The following PSMD11 variants were observed in gnomAD, a reference collection of about 807,000 sequenced individuals.
PSMD11 encodes the protein proteasome 26S subunit, non-ATPase 11, also known as 26S proteasome non-ATPase regulatory subunit 11.
Under a neutral mutation model 62.3 loss-of-function variants are expected in PSMD11, and 5 were observed. That is an observed-to-expected ratio of 0.08 (90% CI 0.04 to 0.17). The LOEUF (loss-of-function observed/expected upper bound fraction) is 0.17. PSMD11 is among the 10% of genes least tolerant of loss of function. The pLI, the probability that PSMD11 is intolerant of heterozygous loss-of-function variation, is 1.00. For missense variants in PSMD11, 310 were observed against 512.9 expected (o/e 0.60, Z 3.82); for synonymous variants, 191 against 191.8 (o/e 1.00, Z 0.03).
rs527574896 is a variant in PSMD11 at position 32,483,013 on chromosome 17, A to C, written c.*2261A>C. 4 of 152,338 alleles carry C rather than the reference A, an allele frequency of 2.6e-5. No individual in the cohort carries two copies. In the East Asian group the frequency reaches 7.7e-4, roughly 29 times the overall value. The allele number at this position is 152,338 out of a possible 1,614,324, so 9.4% of individuals were successfully genotyped here. ...GGAGTAGAGGGGAGATGTTTTCTCA[A>C]ACTTAGGGCAGTCCTGAGATGCTCA... is the stretch of plus-strand genomic sequence containing the variant. On this transcript the variant is annotated 3_prime_UTR_variant, in exon 14 of 14. Transcript: ENST00000261712.
At chr17:32,445,233 T>C (rs1219537988) in intron 1 of PSMD11, 1 of 155,082 alleles carries the variant, frequency 6.4e-6, no homozygotes, top group African/African-American at 2.4e-5. Flanking sequence ...ATTTGGTTTG[T>C]GGAGGTGGCC....
intron 2 of PSMD11, 79 bp downstream of exon 2, chr17:32,447,125 G>A: frequency 1.7e-6 from 2 of 1,143,688 alleles, no homozygotes; most frequent in South Asian, 1.5e-5. Context: ...TCATGGGACT[G>A]ATCCACAAAC....
At position 32,446,941 on chromosome 17, in the gene PSMD11, C is replaced by T. The variant is rs1387154153; in HGVS notation, c.92-4C>T. 11 of 1,604,070 alleles carry T rather than the reference C, an allele frequency of 6.9e-6. No individual in the cohort carries two copies. Among genetic ancestry groups the T allele is most frequent in the Non-Finnish European group, 9.4e-6 (11 of 1,173,610 alleles). On this transcript the variant is annotated splice_polypyrimidine_tract_variant and splice_region_variant and intron_variant, in intron 1 of 13. Transcript: ENST00000261712. Reference sequence around the variant, plus strand: ...TTAAGAGGGTTTGCATTTTCCTCTCCCAGTGAAGCGTGACATTCAGGAAAA... The same window carrying T: ...TTAAGAGGGTTTGCATTTTCCTCTCTCAGTGAAGCGTGACATTCAGGAAAA...
chr17:32,461,635 T>TA (rs61260240), intron 3 of PSMD11, among the ~76,000 whole-genome samples: 3,355 of 143,578 alleles, frequency 0.023, 109 homozygotes, highest in African/African-American at 0.077. Flanking sequence ...CCAGTTCGTG[T>TA]AAAAAAAAAA....
chr17:32,473,435 C>T (rs1200215247), intron 6 of PSMD11, among the ~76,000 whole-genome samples: 1 of 151,996 alleles, frequency 6.6e-6, no homozygotes, highest in Non-Finnish European at 1.5e-5. Flanking sequence ...CGCTACCACA[C>T]CCAGCTAATT....
At chr17:32,470,242 C>T (rs1359962416) in intron 6 of PSMD11, among the ~76,000 whole-genome samples, 1 of 151,594 alleles carries the variant, frequency 6.6e-6, no homozygotes, top group East Asian at 1.9e-4. Context: ...TGGGCTCAAG[C>T]AATTTTCCCA....
chr17:32,463,273 A>T (rs150670742), intron 3 of PSMD11: 2 of 152,336 alleles, frequency 1.3e-5, no homozygotes, highest in Non-Finnish European at 2.9e-5. Flanking sequence ...TAGGTGGCAG[A>T]TAGTAGTAGG....
In PSMD11 at chr17:32,458,098, T is replaced by C. The variant is rs138421208; in HGVS notation, c.318+3479T>C. ...ATAGGCGTGAGCTACTGCGCCCAGC[T>C]GTGGTCTCTCTTTACAACTACCATC... On this transcript the variant is annotated intron_variant, in intron 3 of 13. Transcript: ENST00000261712. Among the ~76,000 whole-genome samples, 864 of 152,268 alleles carry C rather than the reference T, an allele frequency of 5.7e-3. 9 individuals carry two copies. Among genetic ancestry groups the C allele is most frequent in the African/African-American group, 0.019 (773 of 41,572 alleles).
At chr17:32,449,558 T>G (rs1907430003) in intron 2 of PSMD11, among the ~76,000 whole-genome samples, 7 of 152,210 alleles carry the variant, frequency 4.6e-5, no homozygotes, top group Admixed American at 3.9e-4. Flanking sequence ...ATATGTATTC[T>G]CCCCTTATTT....
chr17:32,449,547 T>C (rs1907429779), intron 2 of PSMD11, among the ~76,000 whole-genome samples: 1 of 152,260 alleles, frequency 6.6e-6, no homozygotes, highest in Non-Finnish European at 1.5e-5. Context: ...ATTCCTATTT[T>C]ATATGTATTC....
intron 3 of PSMD11, among the ~76,000 whole-genome samples, chr17:32,459,576 A>G (rs1907763678): frequency 6.6e-6 from 1 of 151,984 alleles, no homozygotes; most frequent in Admixed American, 6.6e-5. Context: ...AGTTTATTGA[A>G]TTGAAATGTA....
At chr17:32,474,910 C>T in intron 8 of PSMD11, 86 bp downstream of exon 8, 2 of 1,190,180 alleles carry the variant, frequency 1.7e-6, no homozygotes, top group Non-Finnish European at 2.5e-6. Flanking sequence ...CAGCACTCTT[C>T]AGATCTTCAT....
At chr17:32,474,869 A>C in intron 8 of PSMD11, 45 bp downstream of exon 8, 2 of 1,541,766 alleles carry the variant, frequency 1.3e-6, no homozygotes, top group South Asian at 1.1e-5. Context: ...TGAGACCAGC[A>C]TGTTTTCAGA....
intron 4 of PSMD11, 35 bp from the exon 5 acceptor site, chr17:32,464,486 C>T (rs745877397): frequency 3.0e-5 from 45 of 1,513,254 alleles, no homozygotes; most frequent in Admixed American, 2.2e-4. Flanking sequence ...TGGCTTTTTC[C>T]CCCCCCTTCA....
chr17:32,468,531 T>C (rs1409204413), intron 5 of PSMD11, among the ~76,000 whole-genome samples: 1 of 152,232 alleles, frequency 6.6e-6, no homozygotes, highest in Non-Finnish European at 1.5e-5. Flanking sequence ...GAATTTGATA[T>C]TCTAGTTTGA....
intron 3 of PSMD11, among the ~76,000 whole-genome samples, chr17:32,463,712 G>T (rs551279054): frequency 6.6e-6 from 1 of 152,284 alleles, no homozygotes; most frequent in Admixed American, 6.5e-5. Flanking sequence ...GGAGAAATCT[G>T]TGCTTTAAAA....
Position 32,480,574 on chromosome 17 carries a change from T to C in PSMD11, c.1212T>C (p.Ile404=). 9 of 1,614,150 alleles carry C rather than the reference T, an allele frequency of 5.6e-6. No homozygotes were observed. Among genetic ancestry groups the C allele is most frequent in the Non-Finnish European group, 7.6e-6 (9 of 1,180,008 alleles). ...CTTACGAAGCTGCTCTGGAAACAATTCAGAACATGAGCAAAGTAGTGGATT... is the reference window on the plus strand; with the variant it reads ...CTTACGAAGCTGCTCTGGAAACAATCCAGAACATGAGCAAAGTAGTGGATT... The part of the protein sequence containing the change: ...DKTYEAALET[I]QNMSKVVDSL... The change falls in exon 13 of 14, where the codon ATT becomes ATC. Residue 404 remains isoleucine, a synonymous_variant. Transcript: ENST00000261712.
chr17:32,467,536 G>A (rs1405113145), intron 5 of PSMD11, among the ~76,000 whole-genome samples: 1 of 152,028 alleles, frequency 6.6e-6, no homozygotes, highest in African/African-American at 2.4e-5. Flanking sequence ...TTGAGCCACT[G>A]CGCCCGGCCT....
At chr17:32,471,753 T>G (rs2150837609) in intron 6 of PSMD11, among the ~76,000 whole-genome samples, 2 of 152,316 alleles carry the variant, frequency 1.3e-5, no homozygotes, top group Middle Eastern at 3.4e-3. Flanking sequence ...CCTTTTAAGT[T>G]GAGTCTCTAA....
Sources: gnomAD v4.1 joint callset for allele counts (sites outside exome capture counted in the v4.1 genomes callset) on GRCh38, gnomAD v4.1.1 for gene constraint, MANE v1.5 for transcripts, NCBI Gene and HGNC (gene_info 2026-07-23, HGNC 2026-07-21) for gene names.